C6: variants seen among roughly 807,000 people sequenced by gnomAD.
The protein encoded by C6 is complement C6.
In C6, 101 loss-of-function variants were observed where a neutral mutation model predicts 112.9. The ratio of observed to expected loss-of-function variants is 0.89; its 90% CI spans 0.76 to 1.06. The LOEUF is 1.06. Among genes scored for constraint, C6 ranks in the 50% least tolerant of loss-of-function variants. The pLI, the probability that C6 is intolerant of heterozygous loss-of-function variation, is 0.00. For synonymous variants in C6, 431 were observed against 384.1 expected (o/e 1.12, Z -1.43); for missense variants, 1,202 against 1,104.6 (o/e 1.09, Z -1.25).
At position 41,203,190 on chromosome 5, in the gene C6, G is replaced by A. The variant is rs755930092; in HGVS notation, c.41C>T (p.Ala14Val). ...RSVLYFILLNALINKGQACFC... is the reference protein window; with the variant it reads ...RSVLYFILLNVLINKGQACFC... ...GCAGGCTTGGCCCTTGTTGATCAGAGCATTCAGCAGGATGAAGTACAAGAC... is the reference window on the plus strand; with the variant it reads ...GCAGGCTTGGCCCTTGTTGATCAGAACATTCAGCAGGATGAAGTACAAGAC... The change falls in exon 2 of 18, where the codon GCT becomes GTT. Residue 14 changes from alanine (A) to valine (V), a missense_variant. By Grantham distance (64) the Ala-to-Val change is moderately conservative. Coordinates refer to ENST00000337836, the MANE Select transcript of C6 (RefSeq NM_000065.5). 3.3e-5 allele frequency: 53 copies of A among 1,614,030 alleles called. 1 individual carries two copies. The South Asian group carries it at 5.0e-4, about 15-fold the overall frequency.
upstream of C6, among the ~76,000 whole-genome samples, chr5:41,216,409 C>T (rs1752197000): frequency 6.6e-6 from 1 of 152,094 alleles, no homozygotes; most frequent in African/African-American, 2.4e-5. Flanking sequence ...TGATTCTCTT[C>T]CTACACCCAT....
chr5:41,204,591 T>A (rs1207396126), intron 1 of C6, among the ~76,000 whole-genome samples: 1 of 151,962 alleles, frequency 6.6e-6, no homozygotes, highest in Non-Finnish European at 1.5e-5. Flanking sequence ...GAGCTTGAGA[T>A]CAGATATAAA....
intron 1 of C6, among the ~76,000 whole-genome samples, chr5:41,210,644 T>C (rs1338040341): frequency 4.6e-5 from 7 of 152,124 alleles, no homozygotes; most frequent in Non-Finnish European, 2.9e-5. Flanking sequence ...AAAATGCTCA[T>C]CATCGCTGGC....
intron 1 of C6, chr5:41,203,591 C>G: frequency 3.8e-6 from 1 of 265,076 alleles, no homozygotes; most frequent in Non-Finnish European, 7.5e-6. Flanking sequence ...TCTCAAAACA[C>G]CTGCTCCTTT....
intron 5 of C6, among the ~76,000 whole-genome samples, chr5:41,192,589 T>C (rs1750301102): frequency 6.6e-6 from 1 of 151,982 alleles, no homozygotes; most frequent in Non-Finnish European, 1.5e-5. Context: ...TTCTTCTTGA[T>C]TCAATCTTGG....
At chr5:41,207,584 T>G (rs1428888754) in intron 1 of C6, among the ~76,000 whole-genome samples, 2 of 152,114 alleles carry the variant, frequency 1.3e-5, no homozygotes, top group Non-Finnish European at 2.9e-5. Flanking sequence ...GATCCTAGTC[T>G]CTGATAAAAC....
Position 41,142,607 on chromosome 5 carries a change from C to T in C6, c.*218G>A, listed in dbSNP as rs969436040. ...ACGAGACTGCTGTGGAAGTTGGTACCTAGGGGTATGCTACAGGGCGTCATG... is the reference window on the plus strand; with the variant it reads ...ACGAGACTGCTGTGGAAGTTGGTACTTAGGGGTATGCTACAGGGCGTCATG... On this transcript the variant is annotated 3_prime_UTR_variant, in exon 18 of 18. Coordinates refer to ENST00000337836, the MANE Select transcript of C6 (RefSeq NM_000065.5). 2 of 580,892 alleles carry T rather than the reference C, an allele frequency of 3.4e-6. No individual in the cohort carries two copies. The highest frequency in any genetic ancestry group is 3.7e-5 in the African/African-American group (2 of 53,520). 36.0% of individuals were successfully genotyped at this position (580,892 alleles called of 1,614,324 possible). A position where few individuals can be genotyped will look rare whatever the true frequency, so the allele number is the denominator to read the frequency against.
At chr5:41,215,633 T>C (rs760906685), upstream of C6, among the ~76,000 whole-genome samples, 38 of 152,090 alleles carry the variant, frequency 2.5e-4, no homozygotes, top group Non-Finnish European at 2.4e-4. Context: ...AGGTAGATAG[T>C]TGCTATTGAC....
chr5:41,142,770 T>C lies in C6; in HGVS notation c.*55A>G, dbSNP rs1745464737. The C allele has an allele frequency of 6.0e-6, 8 of 1,342,608 alleles. No individual in the cohort carries two copies. Among genetic ancestry groups the C allele is most frequent in the South Asian group, 3.5e-5 (3 of 85,780 alleles). 83.2% of individuals were successfully genotyped at this position (1,342,608 alleles called of 1,614,324 possible). A position where few individuals can be genotyped will look rare whatever the true frequency, so the allele number is the denominator to read the frequency against. ...GTGCAAGAATTCTCATTTGTAGGAGTTGGTTCTTCGGGATGGTAAATCTGT... is the reference window on the plus strand; with the variant it reads ...GTGCAAGAATTCTCATTTGTAGGAGCTGGTTCTTCGGGATGGTAAATCTGT... On this transcript the variant is annotated 3_prime_UTR_variant, in exon 18 of 18. Coordinates refer to ENST00000337836, the MANE Select transcript of C6 (RefSeq NM_000065.5).
At chr5:41,195,154 C>G (rs1178735280) in intron 5 of C6, among the ~76,000 whole-genome samples, 1 of 152,220 alleles carries the variant, frequency 6.6e-6, no homozygotes, top group Non-Finnish European at 1.5e-5. Context: ...ACACGTCACA[C>G]AGCCTATGGG....
At chr5:41,241,757 T>C (rs1668706309) in intron 1 of C6, among the ~76,000 whole-genome samples, 1 of 152,190 alleles carries the variant, frequency 6.6e-6, no homozygotes, top group South Asian at 2.1e-4. Flanking sequence ...TGGATGCTAC[T>C]ACATATAAAG....
In C6 at chr5:41,186,050, A is replaced by G. The variant is rs774273466; in HGVS notation, c.726+20T>C. The stretch of plus-strand genomic sequence containing the variant: ...AATCACTGACGGTGTTGGAGTTGCC[A>G]CCATGCTAGGCTGTCATACCTCAAA... On this transcript the variant is annotated intron_variant, in intron 6 of 17. Coordinates refer to ENST00000337836, the MANE Select transcript of C6 (RefSeq NM_000065.5). 1.2e-6 allele frequency: 2 copies of G among 1,613,820 alleles called. No homozygotes were observed. Among genetic ancestry groups the G allele is most frequent in the Non-Finnish European group, 1.7e-6 (2 of 1,179,824 alleles).
rs183379602 is a variant in C6 at position 41,211,034 on chromosome 5, A to G, written c.-21+2342T>C. On this transcript the variant is annotated intron_variant, in intron 1 of 17. Coordinates refer to ENST00000337836, the MANE Select transcript of C6 (RefSeq NM_000065.5). ...TGGATTAAGAAAATGTGGCACATATACACCATGGAATACTATGTAGCCATA... is the reference window on the plus strand; with the variant it reads ...TGGATTAAGAAAATGTGGCACATATGCACCATGGAATACTATGTAGCCATA... Among the ~76,000 whole-genome samples, 1,446 of 152,362 alleles carry G rather than the reference A, an allele frequency of 9.5e-3. 30 individuals are homozygous for G. The highest frequency in any genetic ancestry group is 0.032 in the African/African-American group (1,328 of 41,580).
chr5:41,246,665 T>C (rs1017873403), intron 1 of C6, among the ~76,000 whole-genome samples: 5 of 152,214 alleles, frequency 3.3e-5, no homozygotes, highest in Non-Finnish European at 7.3e-5. Flanking sequence ...AGTCTAACTC[T>C]AGGCTGTTTC....
chr5:41,233,432 C>T (rs1453442855), intron 1 of C6, among the ~76,000 whole-genome samples: 1 of 152,030 alleles, frequency 6.6e-6, no homozygotes, highest in Admixed American at 6.6e-5. Context: ...CTTTAGAACT[C>T]TAAGGAAGGC....
At chr5:41,236,963 A>G (rs1476124919) in intron 1 of C6, among the ~76,000 whole-genome samples, 2 of 151,940 alleles carry the variant, frequency 1.3e-5, no homozygotes, top group East Asian at 2.0e-4. Flanking sequence ...ATGCAAATAA[A>G]CTAGAAAATC....
rs375369073 is a variant in C6, at chr5:41,207,893, A to G, written c.-20-4643T>C. 4.6e-5 allele frequency among the ~76,000 whole-genome samples: 7 copies of G among 152,332 alleles called. No homozygotes were observed. The East Asian group carries it at 1.2e-3, about 25-fold the overall frequency. ...CCAAGCGGACCTAATAGACATCTCC[A>G]GAACTCTCCACCCCAAATCAACAGA... is the stretch of plus-strand genomic sequence containing the variant. On this transcript the variant is annotated intron_variant, in intron 1 of 17. Coordinates refer to ENST00000337836, the MANE Select transcript of C6 (RefSeq NM_000065.5).
chr5:41,250,672 G>A (rs1741295280), intron 1 of C6, among the ~76,000 whole-genome samples: 1 of 152,160 alleles, frequency 6.6e-6, no homozygotes. Flanking sequence ...CTGGGACCTA[G>A]AATGAGATCA....
intron 10 of C6, among the ~76,000 whole-genome samples, chr5:41,161,335 G>A (rs538029952): frequency 2.6e-5 from 4 of 152,084 alleles, no homozygotes; most frequent in Admixed American, 6.6e-5. Flanking sequence ...AGACTTAGGA[G>A]TGTTCATCAA....
Sources: allele counts gnomAD v4.1 joint callset (sites outside exome capture counted in the v4.1 genomes callset), GRCh38; gene constraint gnomAD v4.1.1; transcripts MANE v1.5; gene names NCBI Gene and HGNC (gene_info 2026-07-23, HGNC 2026-07-21).